UTP4: variants seen among roughly 807,000 people sequenced by gnomAD.
UTP4 encodes UTP4 small subunit processome component, also known as U3 small nucleolar RNA-associated protein 4 homolog.
UTP4 carries 45 observed loss-of-function variants against 82.4 expected under a neutral mutation model. The observed-to-expected ratio is 0.55, with a 90% CI of 0.43 to 0.70. The LOEUF (loss-of-function observed/expected upper bound fraction) is 0.70, where lower values mean the gene tolerates loss of function less well. Among genes scored for constraint, UTP4 ranks in the 30% least tolerant of loss-of-function variants. The probability of loss-of-function intolerance (pLI) is 0.00; values close to 1 mark genes in which losing one functional copy is unlikely to be tolerated. For missense variants in UTP4, 819 were observed against 858.3 expected (o/e 0.95, Z 0.57); for synonymous variants, 348 against 300.3 (o/e 1.16, Z -1.64).
At position 69,133,534 on chromosome 16, in the gene UTP4, T is replaced by A; in HGVS notation, c.75T>A (p.Asn25Lys). The A allele has an allele frequency of 6.2e-7, 1 of 1,614,142 alleles. No homozygotes were observed. The highest frequency in any genetic ancestry group is 8.5e-7 in the Non-Finnish European group (1 of 1,179,982). ...VPSGIRCVAY[N>K]NQSNRLAVSR... ...CAGGAATCCGCTGTGTGGCTTACAA[T>A]AACCAGTCAAACAGATTGGCTGTTT... The change falls in exon 2 of 17, where the codon AAT becomes AAA. Residue 25 changes from asparagine (N) to lysine (K), a missense_variant. Coordinates refer to ENST00000314423, the MANE Select transcript of UTP4 (RefSeq NM_032830.3).
intron 14 of UTP4, 81 bp from the exon 15 acceptor site, chr16:69,165,260 A>T: frequency 8.3e-7 from 1 of 1,207,262 alleles, no homozygotes. Context: ...TTGTATAGAT[A>T]CTTTCTGGTT....
chr16:69,160,596 T>TTA, intron 13 of UTP4, 134 bp downstream of exon 13: 1 of 688,916 alleles, frequency 1.5e-6, no homozygotes, highest in Admixed American at 2.6e-5. Flanking sequence ...TTCTTTTCTT[T>TTA]TCTTTTTTTT....
At chr16:69,136,416 C>T (rs1962816545) in intron 2 of UTP4, among the ~76,000 whole-genome samples, 1 of 152,182 alleles carries the variant, frequency 6.6e-6, no homozygotes, top group African/African-American at 2.4e-5. Context: ...TTTGTAGAGA[C>T]AGTGTCTCAC....
intron 6 of UTP4, among the ~76,000 whole-genome samples, chr16:69,147,001 C>CAAAAAAAAAAAAAAAAAAAA (rs71148965): frequency 3.5e-5 from 3 of 85,786 alleles, no homozygotes; most frequent in Non-Finnish European, 7.0e-5. Flanking sequence ...GACTCTGCCT[C>CAAAAAAAAAAAAAAAAAAAA]AAAAAAAAAA....
At chr16:69,147,291 C>T (rs1394595819) in intron 6 of UTP4, among the ~76,000 whole-genome samples, 1 of 151,518 alleles carries the variant, frequency 6.6e-6, no homozygotes, top group African/African-American at 2.4e-5. Context: ...ATTGGCTGAG[C>T]TCAGGAGTTC....
At chr16:69,163,889 T>G (rs1172977628) in intron 14 of UTP4, among the ~76,000 whole-genome samples, 3 of 147,310 alleles carry the variant, frequency 2.0e-5, no homozygotes, top group South Asian at 2.2e-4. Context: ...AGTTTGTTTT[T>G]TTTTTTTTTT....
At chr16:69,165,579 A>G in intron 15 of UTP4, 53 bp downstream of exon 15, 1 of 1,471,494 alleles carries the variant, frequency 6.8e-7, no homozygotes, top group Non-Finnish European at 9.5e-7. Flanking sequence ...TAAAGTTCTA[A>G]AAGCAACAAG....
At chr16:69,138,291 GC>G (rs1962865829) in intron 4 of UTP4, among the ~76,000 whole-genome samples, 1 of 151,112 alleles carries the variant, frequency 6.6e-6, no homozygotes, top group African/African-American at 2.4e-5. Flanking sequence ...GCTGGCAGTG[GC>G]GGTGGCATGA....
chr16:69,161,329 A>G (rs970207162), intron 13 of UTP4, among the ~76,000 whole-genome samples: 3 of 152,248 alleles, frequency 2.0e-5, no homozygotes, highest in South Asian at 2.1e-4. Flanking sequence ...ATAAGCATTA[A>G]AAGTGTATAG....
chr16:69,145,259 C>T (rs1386203448), intron 6 of UTP4, among the ~76,000 whole-genome samples: 1 of 151,936 alleles, frequency 6.6e-6, no homozygotes, highest in South Asian at 2.1e-4. Flanking sequence ...AGAAAACTAC[C>T]CTTTTTAAAA....
chr16:69,150,877 C>T lies in UTP4; in HGVS notation c.975C>T (p.Ala325=), dbSNP rs774972404. Residue 325 remains alanine, a synonymous_variant, in exon 8 of 17, where the codon GCC becomes GCT. Coordinates refer to ENST00000314423, the MANE Select transcript of UTP4 (RefSeq NM_032830.3). Reference sequence around the variant, plus strand: ...AGGTGGAAGTAAAGAATTACGATGCCGCTCTCCGAAAAATCACCTTTCCCC... The same window carrying T: ...AGGTGGAAGTAAAGAATTACGATGCTGCTCTCCGAAAAATCACCTTTCCCC... ...MEKVEVKNYD[A]ALRKITFPHR... 33 of 1,613,840 alleles carry T rather than the reference C, an allele frequency of 2.0e-5. No individual in the cohort carries two copies. The highest frequency in any genetic ancestry group is 2.2e-5 in the Non-Finnish European group (26 of 1,179,980).
At chr16:69,136,235 C>T (rs967915854) in intron 2 of UTP4, among the ~76,000 whole-genome samples, 6 of 152,156 alleles carry the variant, frequency 3.9e-5, no homozygotes, top group South Asian at 2.1e-4. Context: ...TTGATAGCTA[C>T]GAAAACTTTT....
chr16:69,145,731 C>T (rs1299927468), intron 6 of UTP4, among the ~76,000 whole-genome samples: 1 of 151,946 alleles, frequency 6.6e-6, no homozygotes, highest in African/African-American at 2.4e-5. Flanking sequence ...ATGTGCTGTC[C>T]TTGGAAAATG....
intron 6 of UTP4, among the ~76,000 whole-genome samples, chr16:69,144,713 T>G (rs1398558023): frequency 6.6e-6 from 1 of 152,222 alleles, no homozygotes; most frequent in African/African-American, 2.4e-5. Context: ...TAGAACAGTT[T>G]GATGTATGTT....
chr16:69,162,467 T>A (rs992764437), intron 13 of UTP4, among the ~76,000 whole-genome samples: 2 of 150,698 alleles, frequency 1.3e-5, no homozygotes, highest in African/African-American at 4.9e-5. Flanking sequence ...ATCCCAACAC[T>A]TTGGGAGACC....
At chr16:69,145,123 CAA>C (rs938102322) in intron 6 of UTP4, among the ~76,000 whole-genome samples, 1 of 151,830 alleles carries the variant, frequency 6.6e-6, no homozygotes, top group Non-Finnish European at 1.5e-5. Flanking sequence ...GCCTGGGCGA[CAA>C]AAGCAGGACT....
chr16:69,133,439 C>T lies in UTP4; in HGVS notation c.-2-19C>T, dbSNP rs771380331. 3 of 1,613,034 alleles carry T rather than the reference C, an allele frequency of 1.9e-6. No homozygotes were observed. Among genetic ancestry groups the T allele is most frequent in the African/African-American group, 2.7e-5 (2 of 74,884 alleles). On this transcript the variant is annotated intron_variant, in intron 1 of 16. Coordinates refer to ENST00000314423, the MANE Select transcript of UTP4 (RefSeq NM_032830.3). ...TGCAGTTAACATATAGCAATAATGA[C>T]TCTCTTTTCGCCCCCTAGGAATGGG...
chr16:69,140,008 A>T (rs1555535801), intron 5 of UTP4, 94 bp downstream of exon 5: 1 of 880,724 alleles, frequency 1.1e-6, no homozygotes, highest in Middle Eastern at 2.2e-4. Context: ...TGGTTTCATG[A>T]CCTTTATGGC....
chr16:69,155,050 CA>C (rs1187957206), intron 10 of UTP4, among the ~76,000 whole-genome samples: 1 of 151,810 alleles, frequency 6.6e-6, no homozygotes, highest in Non-Finnish European at 1.5e-5. Flanking sequence ...TCAAATAGTA[CA>C]AAAGGGTATA....
Sources: allele counts gnomAD v4.1 joint callset (sites outside exome capture counted in the v4.1 genomes callset), GRCh38; gene constraint gnomAD v4.1.1; transcripts MANE v1.5; gene names NCBI Gene and HGNC (gene_info 2026-07-23, HGNC 2026-07-21).